Variants in KALRN observed in about 807,000 individuals in gnomAD.
KALRN encodes kalirin RhoGEF kinase.
KALRN carries 70 observed loss-of-function variants against 353.7 expected under a neutral mutation model. The observed-to-expected ratio is 0.20, with a 90% CI of 0.16 to 0.24. The LOEUF is 0.24. Ranked by LOEUF, KALRN falls within the 10% of genes least tolerant of loss-of-function variation. KALRN has a pLI of 1.00. For missense variants in KALRN, 2,791 were observed against 3,756.7 expected, an observed-to-expected ratio of 0.74 and a Z score of 6.72; for synonymous variants, 1,391 against 1,434.8, an observed-to-expected ratio of 0.97 and a Z score of 0.69.
At chr3:124,285,111 G>A (rs536735901) in intron 5 of KALRN, among the ~76,000 whole-genome samples, 15 of 152,202 alleles carry the variant, frequency 9.9e-5, no homozygotes, top group African/African-American at 3.4e-4. Context: ...CCTCAATTTC[G>A]TTGGTTCATA....
intron 5 of KALRN, among the ~76,000 whole-genome samples, chr3:124,289,373 A>G (rs568396693): frequency 2.4e-4 from 36 of 152,232 alleles, no homozygotes; most frequent in African/African-American, 6.7e-4. Flanking sequence ...AGACCATTTA[A>G]TGGTTTAAAA....
chr3:124,234,747 A>C lies in KALRN; in HGVS notation c.149-82A>C, dbSNP rs1316282974. On this transcript the variant is annotated intron_variant, in intron 2 of 59. Transcript: ENST00000682506. The stretch of plus-strand genomic sequence containing the variant: ...CCCTATTTCTGTCTGATCACCCAGC[A>C]CTCAGACAGATTTCTTTTTCCTCTG... 3 of 1,039,528 alleles carry C rather than the reference A, an allele frequency of 2.9e-6. No individual in the cohort carries two copies. In the African/African-American group the frequency reaches 4.7e-5, roughly 16 times the overall value. The allele number at this position is 1,039,528 out of a possible 1,614,324, so 64.4% of individuals were successfully genotyped here. A position where few individuals can be genotyped will look rare whatever the true frequency, so the allele number is the denominator to read the frequency against.
intron 34 of KALRN, among the ~76,000 whole-genome samples, chr3:124,619,482 C>CTTTTTTTT (rs59009780): frequency 3.8e-5 from 4 of 104,640 alleles, no homozygotes; most frequent in Admixed American, 1.1e-4. Flanking sequence ...TATTTTCCTT[C>CTTTTTTTT]TTTTTTTTTT....
chr3:124,384,765 T>C, intron 10 of KALRN, 80 bp from the exon 11 acceptor site: 1 of 1,401,152 alleles, frequency 7.1e-7, no homozygotes, highest in Non-Finnish European at 9.7e-7. Context: ...GCCCCTCCGC[T>C]TCAGCTCCGG....
intron 1 of KALRN, among the ~76,000 whole-genome samples, chr3:124,137,741 C>G (rs1382581702): frequency 6.6e-6 from 1 of 152,150 alleles, no homozygotes; most frequent in Non-Finnish European, 1.5e-5. Flanking sequence ...AAAGCTCTCT[C>G]TCCTTTTAGA....
At chr3:124,115,216 G>A (rs541906892) in intron 1 of KALRN, among the ~76,000 whole-genome samples, 1 of 152,262 alleles carries the variant, frequency 6.6e-6, no homozygotes, top group African/African-American at 2.4e-5. Context: ...AAGGAGATTA[G>A]GAATATTGAG....
chr3:124,650,370 C>G (rs142673133), intron 37 of KALRN, among the ~76,000 whole-genome samples: 5 of 152,310 alleles, frequency 3.3e-5, no homozygotes, highest in South Asian at 4.2e-4. Flanking sequence ...TTTTAGCTAT[C>G]TCACATAAAT....
At chr3:124,425,869 C>T (rs779846014) in intron 15 of KALRN, among the ~76,000 whole-genome samples, 1 of 151,902 alleles carries the variant, frequency 6.6e-6, no homozygotes. Context: ...ATAAATAATC[C>T]GGGGTGGACT....
rs553873294 is a variant in KALRN at position 124,037,529 on chromosome 3, C to G, written c.73+3716C>G. Among the ~76,000 whole-genome samples, 4 of 152,202 alleles carry G rather than the reference C, an allele frequency of 2.6e-5. No homozygotes were observed. In the South Asian group the frequency reaches 6.2e-4, roughly 24 times the overall value. ...GGGCAGTAGGGAGTCATTATGGATT[C>G]TTGAACAATGACACATCATGAAAAA... On this transcript the variant is annotated intron_variant, in intron 1 of 59. Transcript: ENST00000682506.
intron 23 of KALRN, among the ~76,000 whole-genome samples, chr3:124,457,016 A>G (rs2059373055): frequency 6.6e-6 from 1 of 152,082 alleles, no homozygotes; most frequent in African/African-American, 2.4e-5. Context: ...ACTTGGAACA[A>G]ATCAAATATT....
chr3:124,481,389 T>A (rs547403400), intron 27 of KALRN, among the ~76,000 whole-genome samples: 1 of 152,216 alleles, frequency 6.6e-6, no homozygotes, highest in East Asian at 1.9e-4. Context: ...GTATTTTTTG[T>A]AGAGATGGGA....
chr3:124,302,106 C>G (rs1233627194), intron 6 of KALRN, among the ~76,000 whole-genome samples: 1 of 152,196 alleles, frequency 6.6e-6, no homozygotes, highest in African/African-American at 2.4e-5. Context: ...CAATCAACCT[C>G]CCCAACTTAA....
chr3:124,079,856 A>G (rs1396653829), intron 1 of KALRN, among the ~76,000 whole-genome samples: 1 of 152,212 alleles, frequency 6.6e-6, no homozygotes, highest in African/African-American at 2.4e-5. Context: ...ACCTCTGGAA[A>G]AAACTCACAA....
In KALRN at chr3:124,269,072, C is replaced by A. The variant is rs141564219; in HGVS notation, c.786C>A (p.Asp262Glu). 3 of 1,612,526 alleles carry A rather than the reference C, an allele frequency of 1.9e-6. No individual in the cohort carries two copies. The African/African-American group carries it at 4.0e-5, about 21-fold the overall frequency. ...QRLLQCIRCS[D>E]GFSGRNCIPG... ...TGCTGCAGTGCATCCGCTGCAGCGA[C>A]GGCTTCTCAGGACGCAACTGCATCC... Residue 262 changes from aspartate to glutamate, a missense_variant, in exon 5 of 60, where the codon GAC (aspartate) becomes GAA (glutamate). This residue lies in a region of KALRN where 366 missense variants were observed against 489.2 expected (regional missense o/e 0.75). Coordinates refer to ENST00000682506, the MANE Select transcript of KALRN (RefSeq NM_001388419.1).
intron 33 of KALRN, among the ~76,000 whole-genome samples, chr3:124,543,534 C>T (rs926856592): frequency 2.6e-5 from 4 of 152,068 alleles, no homozygotes; most frequent in Admixed American, 2.0e-4. Context: ...ATCTCCTGAC[C>T]TCTTGATCCG....
Position 124,144,520 on chromosome 3 carries a change from T to TCTCCTCTTCCTCGTCCTCCTC in KALRN, c.74-83466_74-83446dup, listed in dbSNP as rs2067043860. Among the ~76,000 whole-genome samples the TCTCCTCTTCCTCGTCCTCCTC allele has an allele frequency of 2.7e-5, 4 of 149,340 alleles. No homozygotes were observed. In the South Asian group the frequency reaches 6.4e-4, roughly 24 times the overall value. ...TCCTCCTCTTCCTCATTGTCCTCCT[T>TCTCCTCTTCCTCGTCCTCCTC]CTCCTCTTCCTCGTCCTCCTCCTCT... On this transcript the variant is annotated intron_variant, in intron 1 of 59. Coordinates refer to ENST00000682506, the MANE Select transcript of KALRN (RefSeq NM_001388419.1).
chr3:124,517,447 A>G (rs945863063), intron 33 of KALRN, among the ~76,000 whole-genome samples: 12 of 152,220 alleles, frequency 7.9e-5, no homozygotes, highest in African/African-American at 2.9e-4. Context: ...GCCACAGTCA[A>G]TGTGAGACTG....
At position 124,674,422 on chromosome 3, in the gene KALRN, C is replaced by T. The variant is rs1374721018; in HGVS notation, c.7001C>T (p.Ala2334Val). 3 of 1,614,020 alleles carry T rather than the reference C, an allele frequency of 1.9e-6. No individual in the cohort carries two copies. The highest frequency in any genetic ancestry group is 2.5e-6 in the Non-Finnish European group (3 of 1,179,996). Residue 2334 changes from alanine (A) to valine (V), a missense_variant, in exon 49 of 60, where the codon GCA (alanine) becomes GTA (valine). Ala to Val is a moderately conservative substitution (Grantham distance 64). Coordinates refer to ENST00000682506, the MANE Select transcript of KALRN (RefSeq NM_001388419.1). ...ATGGCCGTGATCAAAGATTACTATGCACTGAAGGAGAATGAAATCTGTGTG... is the reference window on the plus strand; with the variant it reads ...ATGGCCGTGATCAAAGATTACTATGTACTGAAGGAGAATGAAATCTGTGTG... ...SSMAVIKDYYALKENEICVSQ... is the reference protein window; with the variant it reads ...SSMAVIKDYYVLKENEICVSQ...
chr3:124,051,033 G>A (rs545811624), intron 1 of KALRN, among the ~76,000 whole-genome samples: 13 of 152,236 alleles, frequency 8.5e-5, no homozygotes, highest in Non-Finnish European at 1.6e-4. Context: ...ATAATTTGGG[G>A]GGAAGAAAGG....
Sources: gnomAD v4.1 joint callset for allele counts (sites outside exome capture counted in the v4.1 genomes callset) on GRCh38, gnomAD v4.1.1 for gene constraint, gnomAD v4.1.1 regional missense constraint, MANE v1.5 for transcripts, NCBI Gene and HGNC (gene_info 2026-07-23, HGNC 2026-07-21) for gene names.